Variants in PAH observed in about 807,000 individuals in gnomAD.
PAH encodes phenylalanine hydroxylase.
PAH carries 64 observed loss-of-function variants against 62.0 expected under a neutral mutation model. The ratio of observed to expected loss-of-function variants is 1.03; its 90% confidence interval spans 0.84 to 1.27. The LOEUF is 1.27. PAH is among the 50% of genes most tolerant of loss of function. The pLI is 0.00. For synonymous variants in PAH, 195 were observed against 196.2 expected (o/e 0.99, Z 0.05); for missense variants, 579 against 542.8 (o/e 1.07, Z -0.66).
At chr12:102,879,115 T>C (rs902414353) in intron 3 of PAH, among the ~76,000 whole-genome samples, 1 of 151,884 alleles carries the variant, frequency 6.6e-6, no homozygotes, top group East Asian at 1.9e-4. Flanking sequence ...GTGTCTCAGT[T>C]CCTCCTCCGG....
chr12:102,946,610 A>G (rs146292076), intron 1 of PAH: 1 of 152,658 alleles, frequency 6.6e-6, no homozygotes, highest in Non-Finnish European at 1.5e-5. Flanking sequence ...TGTCCATGCC[A>G]TGCGTCCACT....
chr12:102,917,076 C>G lies in PAH; in HGVS notation c.55G>C (p.Gly19Arg), dbSNP rs771104344. Residue 19 changes from glycine to arginine, a missense_variant, in exon 1 of 13, where the codon GGA (glycine) becomes CGA (arginine). Coordinates refer to ENST00000553106, the MANE Select transcript of PAH (RefSeq NM_000277.3). ...CTCAGGCTGCCGTGGCTCACCTGTCCAAAGTCAGAGAGTTTCCTGCCCAAG... is the reference window on the plus strand; with the variant it reads ...CTCAGGCTGCCGTGGCTCACCTGTCGAAAGTCAGAGAGTTTCCTGCCCAAG... Reference protein sequence around the residue: ...PGLGRKLSDFGQETSYIEDNC... With the variant: ...PGLGRKLSDFRQETSYIEDNC... 6.8e-6 allele frequency: 11 copies of G among 1,614,104 alleles called. No homozygotes were observed. Among genetic ancestry groups the G allele is most frequent in the African/African-American group, 1.3e-5 (1 of 74,934 alleles).
intron 3 of PAH, among the ~76,000 whole-genome samples, chr12:102,891,174 C>T (rs1450642532): frequency 6.6e-6 from 1 of 152,176 alleles, no homozygotes; most frequent in African/African-American, 2.4e-5. Context: ...TCACACCAAC[C>T]CTGTCTTTGT....
At chr12:102,864,323 A>T (rs1875853970) in intron 5 of PAH, among the ~76,000 whole-genome samples, 1 of 152,116 alleles carries the variant, frequency 6.6e-6, no homozygotes, top group Admixed American at 6.6e-5. Flanking sequence ...TGAGATTCTG[A>T]TTCTGCTTTT....
chr12:102,850,221 G>T (rs1324596484), intron 8 of PAH, among the ~76,000 whole-genome samples: 2 of 152,188 alleles, frequency 1.3e-5, no homozygotes, highest in African/African-American at 2.4e-5. Flanking sequence ...TACAGTTAAA[G>T]TTCAACTAAT....
At position 102,912,877 on chromosome 12, in the gene PAH, T is replaced by A; in HGVS notation, c.82A>T (p.Asn28Tyr). 1.2e-6 allele frequency: 2 copies of A among 1,612,216 alleles called. No individual in the cohort carries two copies. The highest frequency in any genetic ancestry group is 2.2e-5 in the South Asian group (2 of 91,058). Residue 28 changes from asparagine to tyrosine, a missense_variant, in exon 2 of 13, where the codon AAC becomes TAC. Physicochemically the swap from Asn to Tyr is moderately radical, Grantham distance 143. Transcript: ENST00000553106. ...GATATGGCACCATTTTGATTGCAGT[T>A]GTCTTCAATATAGCTTGTTTCCTAC... Reference protein sequence around the residue: ...FGQETSYIEDNCNQNGAISLI... With the variant: ...FGQETSYIEDYCNQNGAISLI...
At chr12:102,902,549 A>T (rs1398564620) in intron 2 of PAH, among the ~76,000 whole-genome samples, 1 of 152,198 alleles carries the variant, frequency 6.6e-6, no homozygotes, top group Non-Finnish European at 1.5e-5. Context: ...GGAGATACTG[A>T]TGGAACTTCT....
intron 3 of PAH, among the ~76,000 whole-genome samples, chr12:102,883,433 A>AC (rs1876904478): frequency 6.6e-6 from 1 of 152,210 alleles, no homozygotes; most frequent in Admixed American, 6.5e-5. Context: ...GCTCTGGGTG[A>AC]CTTTTTCCTT....
rs920398238 is a variant in PAH, at chr12:102,866,502, T to C, written c.509+94A>G. ...ACACAGAAGGCAGGACTCTTCATGC[T>C]GGTATTTTCCATCCTCAACTGGATG... On this transcript the variant is annotated intron_variant, in intron 5 of 12. Transcript: ENST00000553106. 5 of 939,854 alleles carry C rather than the reference T, an allele frequency of 5.3e-6. No homozygotes were observed. The African/African-American group carries it at 6.5e-5, about 12-fold the overall frequency. 58.2% of individuals were successfully genotyped at this position (939,854 alleles called of 1,614,324 possible).
chr12:102,849,566 G>T (rs1234193468), intron 8 of PAH, among the ~76,000 whole-genome samples: 1 of 152,136 alleles, frequency 6.6e-6, no homozygotes, highest in Admixed American at 6.5e-5. Context: ...AAGCTACATG[G>T]TCTGCATCTC....
intron 5 of PAH, among the ~76,000 whole-genome samples, chr12:102,860,802 T>A (rs1195947517): frequency 6.6e-6 from 1 of 152,154 alleles, no homozygotes; most frequent in Non-Finnish European, 1.5e-5. Flanking sequence ...TGAAACTGGA[T>A]CCCTTCCTTA....
chr12:102,908,837 C>CTTTTTTTT (rs3062641), intron 2 of PAH, among the ~76,000 whole-genome samples: 3 of 120,002 alleles, frequency 2.5e-5, no homozygotes, highest in Non-Finnish European at 3.4e-5. Context: ...CCTCATGTCT[C>CTTTTTTTT]TTTTTTTTTT....
At chr12:102,958,429 A>AGCT, upstream of PAH, 1 of 1,548,802 alleles carries the variant, frequency 6.5e-7, no homozygotes, top group South Asian at 1.2e-5. Flanking sequence ...CAGCAGCAGC[A>AGCT]GGCGCCGCAG....
At chr12:102,890,940 G>A (rs373712325) in intron 3 of PAH, among the ~76,000 whole-genome samples, 6 of 152,120 alleles carry the variant, frequency 3.9e-5, no homozygotes, top group African/African-American at 7.2e-5. Context: ...AAAATTAGCC[G>A]GGCGTGGTGT....
chr12:102,917,141 C>G lies in PAH; in HGVS notation c.-11G>C. On this transcript the variant is annotated 5_prime_UTR_variant, in exon 1 of 13. Transcript: ENST00000553106. ...GACCGCAGTGGACATGCTGGCTCCCCGGGAGTGAGGTCTCTGGCTTTTTAG... is the reference window on the plus strand; with the variant it reads ...GACCGCAGTGGACATGCTGGCTCCCGGGGAGTGAGGTCTCTGGCTTTTTAG... 1 of 1,614,024 alleles carries G rather than the reference C, an allele frequency of 6.2e-7. No individual in the cohort carries two copies. The highest frequency in any genetic ancestry group is 8.5e-7 in the Non-Finnish European group (1 of 1,179,940).
intron 2 of PAH, among the ~76,000 whole-genome samples, chr12:102,896,288 C>T (rs1015570974): frequency 7.2e-5 from 11 of 152,074 alleles, no homozygotes; most frequent in African/African-American, 2.7e-4. Context: ...GAAGAGACAG[C>T]CACAAGGTGG....
intron 2 of PAH, among the ~76,000 whole-genome samples, chr12:102,905,873 G>GA (rs1382962099): frequency 1.3e-5 from 2 of 148,592 alleles, no homozygotes; most frequent in African/African-American, 2.5e-5. Context: ...CAAAACACAT[G>GA]AAAAAATGAC....
upstream of PAH, among the ~76,000 whole-genome samples, chr12:102,921,967 G>A (rs1311554035): frequency 2.0e-5 from 3 of 151,668 alleles, no homozygotes; most frequent in Non-Finnish European, 2.9e-5. Flanking sequence ...TTATTTTTGA[G>A]GAGGTGAGCA....
At chr12:102,851,040 T>C (rs1875122508) in intron 8 of PAH, among the ~76,000 whole-genome samples, 1 of 148,956 alleles carries the variant, frequency 6.7e-6, no homozygotes, top group African/African-American at 2.5e-5. Flanking sequence ...ACCGTGATTA[T>C]ACCACTGCAC....
Sources: allele counts gnomAD v4.1 joint callset (sites outside exome capture counted in the v4.1 genomes callset), GRCh38; gene constraint gnomAD v4.1.1; transcripts MANE v1.5; gene names NCBI Gene and HGNC (gene_info 2026-07-23, HGNC 2026-07-21).